CCDC7: variants seen among roughly 807,000 people sequenced by gnomAD.
CCDC7 encodes the protein coiled-coil domain-containing protein 7.
In CCDC7, 183 loss-of-function variants were observed where a neutral mutation model predicts 196.9. The observed-to-expected ratio is 0.93, with a 90% CI of 0.82 to 1.05. CCDC7 has a LOEUF of 1.05. CCDC7 is among the 50% of genes least tolerant of loss of function. The probability of loss-of-function intolerance (pLI) is 0.00; values close to 1 mark genes in which losing one functional copy is unlikely to be tolerated. For synonymous variants in CCDC7, 525 were observed against 484.6 expected (o/e 1.08, Z -1.10); for missense variants, 1,540 against 1,482.2 (o/e 1.04, Z -0.64).
chr10:32,759,748 T>C (rs945629444), intron 28 of CCDC7, among the ~76,000 whole-genome samples: 1 of 151,996 alleles, frequency 6.6e-6, no homozygotes, highest in African/African-American at 2.4e-5. Flanking sequence ...ACAAATGGGA[T>C]CTAATTAAAC....
chr10:32,511,354 A>G (rs2046171192), intron 9 of CCDC7: 3 of 1,596,504 alleles, frequency 1.9e-6, no homozygotes, highest in Non-Finnish European at 2.6e-6. Flanking sequence ...CTTTTGATGC[A>G]TTTTTCGGTT....
chr10:32,512,858 G>A lies in CCDC7; in HGVS notation c.873-5087G>A, dbSNP rs186632939. 11 of 152,220 alleles carry A rather than the reference G, an allele frequency of 7.2e-5. No individual in the cohort carries two copies. The East Asian group carries it at 1.5e-3, about 21-fold the overall frequency. The allele number at this position is 152,220 out of a possible 1,614,324, so 9.4% of individuals were successfully genotyped here. ...ATTTTAAGAGATGCTCAATCTCACC[G>A]TGATCAGGGAAGATATAAGACAAAG... is the stretch of plus-strand genomic sequence containing the variant. On this transcript the variant is annotated intron_variant, in intron 9 of 41. Transcript: ENST00000639629.
intron 21 of CCDC7, among the ~76,000 whole-genome samples, chr10:32,672,577 C>T (rs1446780131): frequency 6.6e-6 from 1 of 152,176 alleles, no homozygotes; most frequent in Non-Finnish European, 1.5e-5. Context: ...TGTACAGACA[C>T]ATCACCCTTT....
chr10:32,568,296 C>T (rs1166355510), intron 15 of CCDC7, among the ~76,000 whole-genome samples: 2 of 152,016 alleles, frequency 1.3e-5, no homozygotes, highest in African/African-American at 4.8e-5. Flanking sequence ...TGAGCCACCG[C>T]GCCCGGCCTT....
chr10:32,867,689 A>G (rs2094253316), intron 41 of CCDC7, among the ~76,000 whole-genome samples: 1 of 151,814 alleles, frequency 6.6e-6, no homozygotes, highest in African/African-American at 2.4e-5. Context: ...TTGTTACTAA[A>G]TAGAAATAAT....
At chr10:32,493,878 T>A (rs1237707549) in intron 9 of CCDC7, among the ~76,000 whole-genome samples, 1 of 152,180 alleles carries the variant, frequency 6.6e-6, no homozygotes, top group Non-Finnish European at 1.5e-5. Context: ...TGCCCATTTT[T>A]AAATGGTGTT....
downstream of CCDC7, among the ~76,000 whole-genome samples, chr10:32,880,746 C>A (rs1166771642): frequency 6.6e-6 from 1 of 152,174 alleles, no homozygotes; most frequent in Admixed American, 6.5e-5. Context: ...AGTCCAGCTT[C>A]TGCATATGGC....
intron 20 of CCDC7, among the ~76,000 whole-genome samples, chr10:32,657,403 T>C (rs1457913939): frequency 1.3e-5 from 2 of 152,260 alleles, no homozygotes; most frequent in Non-Finnish European, 2.9e-5. Context: ...CTCTGAAATC[T>C]AGGCAGAAGT....
intron 25 of CCDC7, among the ~76,000 whole-genome samples, chr10:32,720,858 G>T (rs918036530): frequency 2.0e-5 from 3 of 152,080 alleles, no homozygotes; most frequent in Admixed American, 1.3e-4. Context: ...TTGGGAGACC[G>T]AAGTGGGTAT....
intron 11 of CCDC7, among the ~76,000 whole-genome samples, chr10:32,531,782 G>GT (rs1314800534): frequency 6.6e-6 from 1 of 152,110 alleles, no homozygotes; most frequent in Non-Finnish European, 1.5e-5. Flanking sequence ...ATCTTGGTAG[G>GT]TTGAGTGTGT....
At chr10:32,798,680 C>T (rs2084141495) in intron 29 of CCDC7, among the ~76,000 whole-genome samples, 1 of 152,186 alleles carries the variant, frequency 6.6e-6, no homozygotes, top group Non-Finnish European at 1.5e-5. Context: ...CATGAATCAG[C>T]ATATAATTGC....
At chr10:32,709,772 C>T (rs1176767204) in intron 24 of CCDC7, among the ~76,000 whole-genome samples, 2 of 152,154 alleles carry the variant, frequency 1.3e-5, no homozygotes, top group Non-Finnish European at 2.9e-5. Flanking sequence ...ACCAATTTGC[C>T]TGACCTTAGA....
At chr10:32,671,256 T>C (rs1213458419) in intron 21 of CCDC7, among the ~76,000 whole-genome samples, 3 of 152,196 alleles carry the variant, frequency 2.0e-5, no homozygotes, top group African/African-American at 2.4e-5. Flanking sequence ...TATATCAGTT[T>C]TAAAACCTTT....
At chr10:32,671,561 A>G (rs1277945163) in intron 21 of CCDC7, among the ~76,000 whole-genome samples, 1 of 152,184 alleles carries the variant, frequency 6.6e-6, no homozygotes, top group Non-Finnish European at 1.5e-5. Flanking sequence ...TGAATTTTTT[A>G]TGAGGCAGTT....
rs368821033 is a variant in CCDC7, at chr10:32,491,946, G to A, written c.821G>A (p.Arg274Gln). The change falls in exon 9 of 42, where the codon CGA (arginine) becomes CAA (glutamine). Residue 274 changes from arginine (R) to glutamine (Q), a missense_variant. Transcript: ENST00000639629. ...GAAACTGCTCATTCAATGACTAATC[G>A]ATTTAATGCCATGTTGAAAGTATTT... 10 of 1,570,782 alleles carry A rather than the reference G, an allele frequency of 6.4e-6. No individual in the cohort carries two copies. Among genetic ancestry groups the A allele is most frequent in the African/African-American group, 1.4e-5 (1 of 72,504 alleles).
At chr10:32,711,157 CACATAT>C (rs2080768866) in intron 24 of CCDC7, among the ~76,000 whole-genome samples, 1 of 104,506 alleles carries the variant, frequency 9.6e-6, no homozygotes, top group African/African-American at 4.9e-5. Context: ...TATACATACA[CACATAT>C]ACATGTATAT....
At chr10:32,812,149 C>G (rs1045342583) in intron 30 of CCDC7, among the ~76,000 whole-genome samples, 3 of 151,960 alleles carry the variant, frequency 2.0e-5, no homozygotes, top group Non-Finnish European at 4.4e-5. Context: ...TCTAAATAAT[C>G]TGACTTGATT....
chr10:32,712,938 G>T (rs959472337), intron 25 of CCDC7, among the ~76,000 whole-genome samples: 1 of 152,124 alleles, frequency 6.6e-6, no homozygotes, highest in African/African-American at 2.4e-5. Context: ...TTAAAGCTTG[G>T]CAATGAGGGA....
chr10:32,876,265 A>C, intron 41 of CCDC7, 82 bp from the exon 43 acceptor site: 2 of 999,718 alleles, frequency 2.0e-6, no homozygotes, highest in Non-Finnish European at 3.0e-6. Flanking sequence ...TCTGTTTTCC[A>C]TGATATCATA....
Sources: gnomAD v4.1 joint callset for allele counts (sites outside exome capture counted in the v4.1 genomes callset) on GRCh38, gnomAD v4.1.1 for gene constraint, MANE v1.5 for transcripts, NCBI Gene and HGNC (gene_info 2026-07-23, HGNC 2026-07-21) for gene names.